The following SORCS2 variants were observed in gnomAD, a reference collection of about 807,000 sequenced individuals.
SORCS2 encodes the protein VPS10 domain-containing receptor SorCS2.
Under a neutral mutation model 141.6 loss-of-function variants are expected in SORCS2, and 100 were observed. That is an observed-to-expected ratio of 0.71 (90% CI 0.60 to 0.83). SORCS2 has a LOEUF of 0.83. Among genes scored for constraint, SORCS2 ranks in the 40% least tolerant of loss-of-function variants. The probability of loss-of-function intolerance (pLI) is 0.00; values close to 1 mark genes in which losing one functional copy is unlikely to be tolerated. For synonymous variants in SORCS2, 789 were observed against 676.9 expected, an observed-to-expected ratio of 1.17 and a Z score of -2.57; for missense variants, 1,646 against 1,560.2, an observed-to-expected ratio of 1.05 and a Z score of -0.93.
In SORCS2 at chr4:7,456,854, C is replaced by T. The variant is rs548514668; in HGVS notation, c.548+60499C>T. Among the ~76,000 whole-genome samples, 6 of 151,982 alleles carry T rather than the reference C, an allele frequency of 3.9e-5. 1 individual carries two copies. The South Asian group carries it at 1.2e-3, about 32-fold the overall frequency. On this transcript the variant is annotated intron_variant, in intron 2 of 26. Transcript: ENST00000507866. Reference sequence around the variant, plus strand: ...GGCTTTGGGGCCTGCAGAATTCCACCCCACCCCACCCTACCCTGGCATTTA... The same window carrying T: ...GGCTTTGGGGCCTGCAGAATTCCACTCCACCCCACCCTACCCTGGCATTTA...
intron 3 of SORCS2, among the ~76,000 whole-genome samples, chr4:7,626,664 A>G (rs1719533974): frequency 6.6e-6 from 1 of 152,216 alleles, no homozygotes; most frequent in African/African-American, 2.4e-5. Flanking sequence ...CACATTAGTC[A>G]TTGAATTACC....
rs1560490972 is a variant in SORCS2 at position 7,695,924 on chromosome 4, ATTGG to A, written c.1592-1272_1592-1269del. Among the ~76,000 whole-genome samples the A allele has an allele frequency of 1.7e-4, 8 of 47,758 alleles. No individual in the cohort carries two copies. The East Asian group carries it at 2.0e-3, about 12-fold the overall frequency. The allele number at this position is 47,758 out of a possible 152,430, so 31.3% of individuals were successfully genotyped here. On this transcript the variant is annotated intron_variant, in intron 11 of 26. Transcript: ENST00000507866. ...GATGGATGGATGGATGGATGGATGGATTGGTGGGTGGGTGGGTGGATGGATGGAT... is the reference window on the plus strand; with the variant it reads ...GATGGATGGATGGATGGATGGATGGATGGGTGGGTGGGTGGATGGATGGAT...
chr4:7,342,378 C>CTTCTTAATCAT (rs1200609290), intron 1 of SORCS2, among the ~76,000 whole-genome samples: 4 of 152,256 alleles, frequency 2.6e-5, no homozygotes, highest in African/African-American at 9.6e-5. Context: ...CCATCTTGCC[C>CTTCTTAATCAT]TTCTTAATCA....
rs1357410510 is a variant in SORCS2, at chr4:7,566,991, C to G, written c.648+35362C>G. Among the ~76,000 whole-genome samples, 5 of 152,226 alleles carry G rather than the reference C, an allele frequency of 3.3e-5. No individual in the cohort carries two copies. The East Asian group carries it at 9.6e-4, about 29-fold the overall frequency. Reference sequence around the variant, plus strand: ...GGCACATGAGTATTGGGTGAGTGCTCTCTGTCACCCAGTTAGGAAGGACCT... The same window carrying G: ...GGCACATGAGTATTGGGTGAGTGCTGTCTGTCACCCAGTTAGGAAGGACCT... On this transcript the variant is annotated intron_variant, in intron 3 of 26. Transcript: ENST00000507866.
chr4:7,407,535 C>T (rs1725044470), intron 2 of SORCS2, among the ~76,000 whole-genome samples: 1 of 152,044 alleles, frequency 6.6e-6, no homozygotes, highest in Non-Finnish European at 1.5e-5. Context: ...CATGGAATAA[C>T]TTTTTCCAGC....
At chr4:7,368,129 C>G (rs997874248) in intron 1 of SORCS2, among the ~76,000 whole-genome samples, 46 of 152,270 alleles carry the variant, frequency 3.0e-4, no homozygotes, top group Non-Finnish European at 2.6e-4. Flanking sequence ...GGTGGTGGTG[C>G]TGGGTTGATG....
intron 2 of SORCS2, among the ~76,000 whole-genome samples, chr4:7,403,986 TATATATA>T (rs1560256791): frequency 4.2e-4 from 4 of 9,528 alleles, no homozygotes; most frequent in Non-Finnish European, 4.8e-4. Context: ...TATATATATA[TATATATA>T]TATATTTTTT....
chr4:7,375,569 C>G (rs371256237), intron 1 of SORCS2, among the ~76,000 whole-genome samples: 6 of 152,178 alleles, frequency 3.9e-5, no homozygotes, highest in African/African-American at 1.2e-4. Flanking sequence ...GATGAGATGC[C>G]AGATTGCACT....
chr4:7,465,040 G>A (rs1029213970), intron 2 of SORCS2, among the ~76,000 whole-genome samples: 1 of 152,250 alleles, frequency 6.6e-6, no homozygotes, highest in Non-Finnish European at 1.5e-5. Context: ...TAGAAAATGA[G>A]GATGACAAAG....
chr4:7,438,172 G>A (rs555915013), intron 2 of SORCS2, among the ~76,000 whole-genome samples: 11 of 152,218 alleles, frequency 7.2e-5, no homozygotes, highest in Non-Finnish European at 1.6e-4. Context: ...AGGCTCACAC[G>A]ATGCAATTCC....
At chr4:7,255,938 CGGGGCTGGAGCGTGGGGCCCT>C in intron 1 of SORCS2, among the ~76,000 whole-genome samples, 2 of 9,512 alleles carry the variant, frequency 2.1e-4, no homozygotes, top group African/African-American at 7.7e-4. Context: ...CGTGGGGACC[CGGGGCTGGAGCGTGGGGCCCT>C]GGGGCTGGAG....
At chr4:7,667,065 G>A in intron 7 of SORCS2, 59 bp from the exon 8 acceptor site, 1 of 1,440,996 alleles carries the variant, frequency 6.9e-7, no homozygotes, top group Admixed American at 1.7e-5. Context: ...TTTCATTCAT[G>A]AGACTGTGGC....
intron 2 of SORCS2, among the ~76,000 whole-genome samples, chr4:7,416,135 C>T (rs970042214): frequency 4.6e-5 from 7 of 152,072 alleles, no homozygotes; most frequent in Non-Finnish European, 8.8e-5. Flanking sequence ...ATGTGCCGGC[C>T]GGAGGGGCCT....
In SORCS2 at chr4:7,724,322, GTGA is replaced by G. The variant is rs1338737391; in HGVS notation, c.2611+441_2611+443del. Among the ~76,000 whole-genome samples, 8 of 121,040 alleles carry G rather than the reference GTGA, an allele frequency of 6.6e-5. No individual in the cohort carries two copies. The South Asian group carries it at 2.2e-3, about 33-fold the overall frequency. 79.4% of individuals were successfully genotyped at this position (121,040 alleles called of 152,430 possible). Reference sequence around the variant, plus strand: ...GGTGACAATGGTGGTGGTGGTGGTGGTGATAGGGTGATGGTGATGATGGTAACA... The same window carrying G: ...GGTGACAATGGTGGTGGTGGTGGTGGTAGGGTGATGGTGATGATGGTAACA... On this transcript the variant is annotated intron_variant, in intron 19 of 26. Transcript: ENST00000507866.
chr4:7,322,393 C>T (rs1455523263), intron 1 of SORCS2, among the ~76,000 whole-genome samples: 2 of 152,216 alleles, frequency 1.3e-5, no homozygotes, highest in African/African-American at 4.8e-5. Flanking sequence ...AGCCCAGCTG[C>T]ACTTGCTGAG....
At chr4:7,657,805 AGTGAATGAGTGAGTGG>A (rs1207191139) in intron 5 of SORCS2, among the ~76,000 whole-genome samples, 1 of 151,308 alleles carries the variant, frequency 6.6e-6, no homozygotes, top group Non-Finnish European at 1.5e-5. Flanking sequence ...TGAGTGAGTG[AGTGAATGAGTGAGTGG>A]GTGAGTCTGT....
intron 12 of SORCS2, 26 bp from the exon 13 acceptor site, chr4:7,703,254 C>T: frequency 6.3e-7 from 1 of 1,591,664 alleles, no homozygotes; most frequent in Non-Finnish European, 8.6e-7. Context: ...AGGCCCTGCC[C>T]TCAGCCACAC....
intron 2 of SORCS2, among the ~76,000 whole-genome samples, chr4:7,527,327 C>A (rs7679589): frequency 0.036 from 5,464 of 152,342 alleles, 116 homozygotes; most frequent in African/African-American, 0.058. Flanking sequence ...AATGAAGGAT[C>A]TTGGGATTAT....
rs527438665 is a variant in SORCS2, at chr4:7,630,286, G to T, written c.649-8042G>T. On this transcript the variant is annotated intron_variant, in intron 3 of 26. Transcript: ENST00000507866. ...GCTTGAATCCCAGGAGCACCTGGGA[G>T]ACCCTAAAGGGCCCCAGCAGGAACG... Among the ~76,000 whole-genome samples the T allele has an allele frequency of 4.6e-5, 7 of 152,304 alleles. No individual in the cohort carries two copies. The East Asian group carries it at 1.4e-3, about 29-fold the overall frequency.
Sources: gnomAD v4.1 joint callset for allele counts (sites outside exome capture counted in the v4.1 genomes callset) on GRCh38, gnomAD v4.1.1 for gene constraint, MANE v1.5 for transcripts, NCBI Gene and HGNC (gene_info 2026-07-23, HGNC 2026-07-21) for gene names.